Variants in CLEC16A observed in about 807,000 individuals in gnomAD.
The protein encoded by CLEC16A is C-type lectin domain containing 16A.
A neutral mutation model predicts 109.5 loss-of-function variants in CLEC16A; 51 were observed. That is an observed-to-expected ratio of 0.47 (90% CI 0.37 to 0.59). The LOEUF (loss-of-function observed/expected upper bound fraction) is 0.59, where lower values mean the gene tolerates loss of function less well. Ranked by LOEUF, CLEC16A falls within the 20% of genes least tolerant of loss-of-function variation. CLEC16A has a pLI of 0.00. For missense variants in CLEC16A, 1,339 were observed against 1,394.0 expected, an observed-to-expected ratio of 0.96 and a Z score of 0.63; for synonymous variants, 673 against 564.2, an observed-to-expected ratio of 1.19 and a Z score of -2.73.
rs372638107 is a variant in CLEC16A at position 11,178,563 on chromosome 16, C to A, written c.3035C>A (p.Pro1012Gln). 2.5e-6 allele frequency: 4 copies of A among 1,612,064 alleles called. No individual in the cohort carries two copies. In the East Asian group the frequency reaches 6.7e-5, roughly 27 times the overall value. Residue 1012 changes from proline to glutamine, a missense_variant, in exon 24 of 24, where the codon CCA becomes CAA. By Grantham distance (76) the Pro-to-Gln change is moderately conservative. This residue lies in a region of CLEC16A where 1,061 missense variants were observed against 1,006.8 expected (regional missense o/e 1.05). Coordinates refer to ENST00000409790, the MANE Select transcript of CLEC16A (RefSeq NM_015226.3). The surrounding 1 kb of genome is among the most constrained non-coding windows in gnomAD (Gnocchi z 6.5). ...LSVESLTLVP[P>Q]VDPHSLRSLT... ...GTCGAATCGCTGACCCTTGTCCCCC[C>A]AGTTGACCCCCACAGCCTCCGCAGC...
At chr16:10,958,814 G>A (rs978765378) in intron 2 of CLEC16A, among the ~76,000 whole-genome samples, 2 of 152,154 alleles carry the variant, frequency 1.3e-5, no homozygotes, top group African/African-American at 2.4e-5. Context: ...TGAGGTGGGA[G>A]GATTGCCTGA....
intron 19 of CLEC16A, among the ~76,000 whole-genome samples, chr16:11,091,137 A>G (rs967642386): frequency 1.3e-5 from 2 of 152,152 alleles, no homozygotes; most frequent in African/African-American, 4.8e-5. Context: ...TCCTTTCTCC[A>G]TAAAGACGTG....
intron 10 of CLEC16A, among the ~76,000 whole-genome samples, chr16:11,001,931 C>A (rs186936388): frequency 1.3e-5 from 2 of 152,308 alleles, no homozygotes; most frequent in East Asian, 1.9e-4. Flanking sequence ...CTACACCTGG[C>A]TTTTTCTTTC....
At chr16:11,043,826 CTGCACTCCA>C (rs2047480867) in intron 15 of CLEC16A, among the ~76,000 whole-genome samples, 193 bp from the exon 16 acceptor site, 1 of 151,524 alleles carries the variant, frequency 6.6e-6, no homozygotes, top group African/African-American at 2.4e-5. Context: ...GATCACACCA[CTGCACTCCA>C]TGCACTCCAG....
intron 19 of CLEC16A, among the ~76,000 whole-genome samples, chr16:11,063,759 A>G (rs2048619448): frequency 6.6e-6 from 1 of 152,178 alleles, no homozygotes; most frequent in Non-Finnish European, 1.5e-5. Flanking sequence ...GGAGCATTAA[A>G]GATGTGGTCA....
At chr16:11,062,242 G>T (rs2048521666) in intron 19 of CLEC16A, among the ~76,000 whole-genome samples, 2 of 152,082 alleles carry the variant, frequency 1.3e-5, no homozygotes, top group African/African-American at 4.8e-5. Flanking sequence ...TGGCTGGGTG[G>T]GCAGAAACAG....
intron 11 of CLEC16A, among the ~76,000 whole-genome samples, chr16:11,005,883 C>T (rs558332552): frequency 2.0e-5 from 3 of 152,180 alleles, no homozygotes; most frequent in Admixed American, 6.5e-5. Context: ...TATTGTGTGT[C>T]TTGGATGGCC....
chr16:10,951,560 C>T (rs1409805796), intron 1 of CLEC16A, among the ~76,000 whole-genome samples: 6 of 152,170 alleles, frequency 3.9e-5, no homozygotes, highest in Non-Finnish European at 2.9e-5. Flanking sequence ...TGTGCTGCAC[C>T]AGGGCCCTGG....
At position 11,111,556 on chromosome 16, in the gene CLEC16A, C is replaced by G. The variant is rs60889980; in HGVS notation, c.2117-9059C>G. Among the ~76,000 whole-genome samples, 1,437 of 152,344 alleles carry G rather than the reference C, an allele frequency of 9.4e-3. 19 individuals carry two copies. The highest frequency in any genetic ancestry group is 0.033 in the African/African-American group (1,381 of 41,566). On this transcript the variant is annotated intron_variant, in intron 19 of 23. Coordinates refer to ENST00000409790, the MANE Select transcript of CLEC16A (RefSeq NM_015226.3). ...TGATGGGAGGAGAGTCAAAGTCACA[C>G]TATGAGAAGAACATGTAGGTAAGAA... is the stretch of plus-strand genomic sequence containing the variant.
At chr16:11,106,706 T>A (rs1223985204) in intron 19 of CLEC16A, among the ~76,000 whole-genome samples, 1 of 152,114 alleles carries the variant, frequency 6.6e-6, no homozygotes, top group Non-Finnish European at 1.5e-5. Context: ...TGAATCTTTT[T>A]AAAAATTTAT....
In CLEC16A at chr16:11,039,863, C is replaced by T. The variant is rs200579398; in HGVS notation, c.1647C>T (p.Asn549=). The T allele has an allele frequency of 8.1e-6, 13 of 1,612,570 alleles. No homozygotes were observed. Among genetic ancestry groups the T allele is most frequent in the East Asian group, 4.5e-5 (2 of 44,832 alleles). Residue 549 remains asparagine, a synonymous_variant, in exon 14 of 24, where the codon AAC becomes AAT. Transcript: ENST00000409790. The stretch of plus-strand genomic sequence containing the variant: ...AAAGACTCATCAGGATCATGAACAA[C>T]GCTGCCCAGCCAGGTGCCCACTTGG... ...LAERLIRIMN[N]AAQPDGKIRL...
At chr16:11,121,647 A>G (rs144732952) in intron 20 of CLEC16A, among the ~76,000 whole-genome samples, 1 of 151,926 alleles carries the variant, frequency 6.6e-6, no homozygotes, top group East Asian at 1.9e-4. Flanking sequence ...TGAGGGGCCA[A>G]GTCAGGTGGA....
At chr16:11,110,233 C>T (rs1269948274) in intron 19 of CLEC16A, among the ~76,000 whole-genome samples, 3 of 152,210 alleles carry the variant, frequency 2.0e-5, no homozygotes, top group African/African-American at 7.2e-5. Context: ...CCAGCCATTG[C>T]CCAGACCCCC....
chr16:11,071,023 GC>G (rs1274724182), intron 19 of CLEC16A: 2 of 152,160 alleles, frequency 1.3e-5, no homozygotes, highest in African/African-American at 2.4e-5. Context: ...TGCGTGCTTC[GC>G]CCCAGCTTCT....
Position 10,983,051 on chromosome 16 carries a change from G to A in CLEC16A, c.1071+60G>A, listed in dbSNP as rs937735926. The A allele has an allele frequency of 5.3e-6, 5 of 942,950 alleles. 1 individual carries two copies. The South Asian group carries it at 6.9e-5, about 13-fold the overall frequency. 58.4% of individuals were successfully genotyped at this position (942,950 alleles called of 1,614,324 possible). On this transcript the variant is annotated intron_variant, in intron 10 of 23. Coordinates refer to ENST00000409790, the MANE Select transcript of CLEC16A (RefSeq NM_015226.3). The stretch of plus-strand genomic sequence containing the variant: ...AAACCATTGCTCATTTTGCTAATCT[G>A]TGTGTTTCTCTAAAATCAGAAACTA...
At chr16:11,167,673 T>C (rs1214734728) in intron 23 of CLEC16A, among the ~76,000 whole-genome samples, 1 of 152,122 alleles carries the variant, frequency 6.6e-6, no homozygotes, top group Non-Finnish European at 1.5e-5. Context: ...TACCTGCACT[T>C]CATATTGACT....
At chr16:11,169,806 G>A (rs1447794187) in intron 23 of CLEC16A, among the ~76,000 whole-genome samples, 1 of 152,210 alleles carries the variant, frequency 6.6e-6, no homozygotes, top group Non-Finnish European at 1.5e-5. Context: ...GGCTCCTGCT[G>A]TAGCCACGGC....
chr16:11,030,303 T>C (rs2046665287), intron 13 of CLEC16A, among the ~76,000 whole-genome samples: 1 of 152,236 alleles, frequency 6.6e-6, no homozygotes, highest in Non-Finnish European at 1.5e-5. Flanking sequence ...CATATAATTA[T>C]GGGAGATATG....
intron 22 of CLEC16A, among the ~76,000 whole-genome samples, chr16:11,128,503 C>G (rs2052983809): frequency 6.6e-6 from 1 of 152,224 alleles, no homozygotes; most frequent in African/African-American, 2.4e-5. Flanking sequence ...CAGCATCCAC[C>G]CCTTGGCTGT....
Sources: gnomAD v4.1 joint callset for allele counts (sites outside exome capture counted in the v4.1 genomes callset) on GRCh38, gnomAD v4.1.1 for gene constraint, gnomAD v4.1.1 regional missense constraint, Gnocchi (gnomAD v3.1) non-coding constraint, MANE v1.5 for transcripts, NCBI Gene and HGNC (gene_info 2026-07-23, HGNC 2026-07-21) for gene names.